The following PCSK5 variants were observed in gnomAD, a reference collection of about 807,000 sequenced individuals.
PCSK5 encodes proprotein convertase subtilisin/kexin type 5.
A neutral mutation model predicts 233.2 loss-of-function variants in PCSK5; 129 were observed. The ratio of observed to expected loss-of-function variants is 0.55; its 90% CI spans 0.48 to 0.64. PCSK5 has a LOEUF of 0.64. Among genes scored for constraint, PCSK5 ranks in the 30% least tolerant of loss-of-function variants. PCSK5 has a pLI of 0.00. For missense variants in PCSK5, 2,076 were observed against 2,430.1 expected, an observed-to-expected ratio of 0.85 and a Z score of 3.06; for synonymous variants, 825 against 879.2, an observed-to-expected ratio of 0.94 and a Z score of 1.09.
rs146675825 is a variant in PCSK5 at position 76,208,880 on chromosome 9, T to C, written c.2627-18623T>C. Among the ~76,000 whole-genome samples the C allele has an allele frequency of 8.9e-4, 135 of 152,366 alleles. 1 individual carries two copies. Among genetic ancestry groups the C allele is most frequent in the East Asian group, 4.4e-3 (23 of 5,186 alleles). ...GTTTGCTTTCCTGGATGCATAGTCCTTGGTCTATTTTATCCCTTCACTTTA... is the reference window on the plus strand; with the variant it reads ...GTTTGCTTTCCTGGATGCATAGTCCCTGGTCTATTTTATCCCTTCACTTTA... On this transcript the variant is annotated intron_variant, in intron 20 of 37. Coordinates refer to ENST00000674117, the MANE Select transcript of PCSK5 (RefSeq NM_001372043.1).
chr9:76,326,666 T>C (rs1024537204), intron 32 of PCSK5, among the ~76,000 whole-genome samples: 7 of 152,136 alleles, frequency 4.6e-5, no homozygotes, highest in Non-Finnish European at 1.0e-4. Flanking sequence ...ATACCATGCA[T>C]GTATCCACCC....
rs569019364 is a variant in PCSK5 at position 75,920,830 on chromosome 9, A to G, written c.193-11549A>G. 1.4e-4 allele frequency among the ~76,000 whole-genome samples: 21 copies of G among 152,226 alleles called. No homozygotes were observed. In the South Asian group the frequency reaches 4.1e-3, roughly 30 times the overall value. ...CCAAAAAAATTAAAAAATAAAATAA[A>G]AAAACAAATAAAAAAATGCTATAGA... On this transcript the variant is annotated intron_variant, in intron 1 of 37. Transcript: ENST00000674117.
intron 20 of PCSK5, among the ~76,000 whole-genome samples, chr9:76,224,684 G>A (rs1825831940): frequency 6.6e-6 from 1 of 152,144 alleles, no homozygotes; most frequent in South Asian, 2.1e-4. Context: ...GTAATCTTTT[G>A]GGGTCATTAT....
At chr9:76,149,462 C>T (rs1195289689) in intron 10 of PCSK5, among the ~76,000 whole-genome samples, 1 of 152,050 alleles carries the variant, frequency 6.6e-6, no homozygotes, top group Admixed American at 6.5e-5. Context: ...CAAAGCAAAA[C>T]TAAAGGAAAA....
intron 9 of PCSK5, among the ~76,000 whole-genome samples, chr9:76,126,476 G>C (rs1832858568): frequency 6.6e-6 from 1 of 152,154 alleles, no homozygotes; most frequent in East Asian, 1.9e-4. Context: ...AGCTAGGCGT[G>C]ATGGCACATG....
At chr9:75,941,995 CT>C (rs1281549544) in intron 2 of PCSK5, among the ~76,000 whole-genome samples, 20 of 152,232 alleles carry the variant, frequency 1.3e-4, no homozygotes, top group Non-Finnish European at 2.8e-4. Flanking sequence ...GCTGCCAAAT[CT>C]TTATTAGAGA....
intron 29 of PCSK5, among the ~76,000 whole-genome samples, chr9:76,309,082 G>T (rs1184611068): frequency 2.0e-5 from 3 of 152,014 alleles, no homozygotes; most frequent in Non-Finnish European, 2.9e-5. Context: ...GCTGGGCATG[G>T]TGGCATGTCC....
intron 2 of PCSK5, among the ~76,000 whole-genome samples, chr9:75,959,701 G>A (rs982467882): frequency 2.6e-5 from 4 of 152,160 alleles, no homozygotes; most frequent in Non-Finnish European, 5.9e-5. Context: ...GATATTTGCC[G>A]GTGAAACTTA....
At chr9:76,095,776 T>C in intron 7 of PCSK5, 114 bp from the exon 8 acceptor site, 1 of 870,440 alleles carries the variant, frequency 1.1e-6, no homozygotes, top group Non-Finnish European at 1.9e-6. Context: ...AAGCCCAGCA[T>C]ATTAAGATAG....
intron 21 of PCSK5, among the ~76,000 whole-genome samples, chr9:76,230,923 A>ACAC (rs2131315415): frequency 6.6e-6 from 1 of 152,220 alleles, no homozygotes; most frequent in African/African-American, 2.4e-5. Flanking sequence ...ATGTAATAAT[A>ACAC]ATAGAAATGA....
At chr9:75,919,753 C>T (rs1464768726) in intron 1 of PCSK5, among the ~76,000 whole-genome samples, 2 of 152,232 alleles carry the variant, frequency 1.3e-5, no homozygotes, top group African/African-American at 2.4e-5. Flanking sequence ...GCCTCACCCT[C>T]TGCCATTATC....
intron 3 of PCSK5, among the ~76,000 whole-genome samples, chr9:76,000,683 G>C (rs1827223381): frequency 6.6e-6 from 1 of 152,082 alleles, no homozygotes; most frequent in Non-Finnish European, 1.5e-5. Context: ...TATTTTCATT[G>C]TAAATTCATT....
intron 30 of PCSK5, among the ~76,000 whole-genome samples, chr9:76,315,641 A>ATTT (rs777066898): frequency 7.2e-6 from 1 of 139,102 alleles, no homozygotes. Context: ...GGAGAAGACT[A>ATTT]CTTTTTTTTT....
chr9:76,087,315 A>AT (rs1831105732), intron 7 of PCSK5, among the ~76,000 whole-genome samples: 1 of 152,172 alleles, frequency 6.6e-6, no homozygotes, highest in African/African-American at 2.4e-5. Flanking sequence ...AAGTAACTCA[A>AT]TTTTTTTCTT....
intron 1 of PCSK5, among the ~76,000 whole-genome samples, chr9:75,919,276 GATTA>G (rs1823140252): frequency 6.6e-6 from 1 of 152,140 alleles, no homozygotes; most frequent in Non-Finnish European, 1.5e-5. Context: ...ATTCATCCTT[GATTA>G]ATTAATCAGT....
intron 5 of PCSK5, among the ~76,000 whole-genome samples, chr9:76,048,684 C>T (rs113031174): frequency 1.4e-3 from 215 of 152,190 alleles, no homozygotes; most frequent in African/African-American, 4.9e-3. Flanking sequence ...ATGTAGTACA[C>T]GACTATTAGA....
intron 3 of PCSK5, among the ~76,000 whole-genome samples, chr9:75,999,930 CTAATTA>C (rs1358429682): frequency 6.6e-6 from 1 of 152,204 alleles, no homozygotes; most frequent in Non-Finnish European, 1.5e-5. Flanking sequence ...CAAACGGGAT[CTAATTA>C]AACTAAAGAG....
chr9:76,221,616 G>C (rs1016284109), intron 20 of PCSK5, among the ~76,000 whole-genome samples: 9 of 152,204 alleles, frequency 5.9e-5, no homozygotes, highest in Admixed American at 2.6e-4. Flanking sequence ...ACTACATTCA[G>C]GTGCGTCAGC....
intron 2 of PCSK5, among the ~76,000 whole-genome samples, chr9:75,932,712 T>C (rs978331324): frequency 6.6e-6 from 1 of 152,140 alleles, no homozygotes; most frequent in Non-Finnish European, 1.5e-5. Context: ...GGGGTATCCA[T>C]AGCTATGGGT....
Sources: gnomAD v4.1 joint callset for allele counts (sites outside exome capture counted in the v4.1 genomes callset) on GRCh38, gnomAD v4.1.1 for gene constraint, MANE v1.5 for transcripts, NCBI Gene and HGNC (gene_info 2026-07-23, HGNC 2026-07-21) for gene names.